PRKCB: variants seen among roughly 807,000 people sequenced by gnomAD.
PRKCB encodes protein kinase C beta.
Under a neutral mutation model 81.5 loss-of-function variants are expected in PRKCB, and 13 were observed. That is an observed-to-expected ratio of 0.16 (90% CI 0.10 to 0.25). The LOEUF is 0.25. Ranked by LOEUF, PRKCB falls within the 10% of genes least tolerant of loss-of-function variation. The pLI, the probability that PRKCB is intolerant of heterozygous loss-of-function variation, is 1.00. For synonymous variants in PRKCB, 335 were observed against 321.4 expected, an observed-to-expected ratio of 1.04 and a Z score of -0.45; for missense variants, 509 against 875.7, an observed-to-expected ratio of 0.58 and a Z score of 5.29.
chr16:23,952,523 T>C (rs1432659691), intron 2 of PRKCB, among the ~76,000 whole-genome samples: 1 of 152,126 alleles, frequency 6.6e-6, no homozygotes, highest in Non-Finnish European at 1.5e-5. Flanking sequence ...TTGCATTTGT[T>C]TCTGGGAGGG....
At chr16:23,894,669 T>C (rs1963346922) in intron 2 of PRKCB, among the ~76,000 whole-genome samples, 1 of 152,084 alleles carries the variant, frequency 6.6e-6, no homozygotes, top group African/African-American at 2.4e-5. Flanking sequence ...CCCAGAGAAT[T>C]GTGAGGGAAA....
intron 10 of PRKCB, among the ~76,000 whole-genome samples, chr16:24,160,707 T>C (rs1052209839): frequency 6.6e-6 from 1 of 152,120 alleles, no homozygotes; most frequent in Non-Finnish European, 1.5e-5. Context: ...TAAACTATAA[T>C]AATGACACAA....
intron 2 of PRKCB, among the ~76,000 whole-genome samples, chr16:23,955,306 T>G (rs1052103613): frequency 1.3e-5 from 2 of 152,110 alleles, no homozygotes; most frequent in African/African-American, 4.8e-5. Flanking sequence ...TTCACGTGTG[T>G]ATTATGATTA....
intron 2 of PRKCB, among the ~76,000 whole-genome samples, chr16:23,938,700 ACAGT>A (rs1478013914): frequency 1.3e-5 from 2 of 152,252 alleles, no homozygotes; most frequent in South Asian, 2.1e-4. Flanking sequence ...ATTGTGGAAG[ACAGT>A]CAGAAAACAT....
chr16:23,869,786 C>T (rs557175289), intron 2 of PRKCB, among the ~76,000 whole-genome samples: 3 of 152,276 alleles, frequency 2.0e-5, no homozygotes, highest in African/African-American at 7.2e-5. Flanking sequence ...CTTTGGGAGG[C>T]TGAGGTGGGC....
chr16:24,055,078 T>C (rs1170126077), intron 5 of PRKCB, among the ~76,000 whole-genome samples: 1 of 152,222 alleles, frequency 6.6e-6, no homozygotes, highest in Non-Finnish European at 1.5e-5. Context: ...CAGTATGCAA[T>C]GCAAATGAGA....
chr16:24,003,190 C>T lies in PRKCB; in HGVS notation c.288+14600C>T, dbSNP rs191582694. Reference sequence around the variant, plus strand: ...CATGCCCACACCTTTAGAAACAGTCCTTTCATTGAACCTTTCTTAAACACT... The same window carrying T: ...CATGCCCACACCTTTAGAAACAGTCTTTTCATTGAACCTTTCTTAAACACT... On this transcript the variant is annotated intron_variant, in intron 3 of 16. Coordinates refer to ENST00000643927, the MANE Select transcript of PRKCB (RefSeq NM_002738.7). Among the ~76,000 whole-genome samples, 6 of 152,232 alleles carry T rather than the reference C, an allele frequency of 3.9e-5. No individual in the cohort carries two copies. The East Asian group carries it at 7.7e-4, about 20-fold the overall frequency.
intron 5 of PRKCB, among the ~76,000 whole-genome samples, chr16:24,048,506 T>C (rs1487283079): frequency 6.6e-6 from 1 of 151,768 alleles, no homozygotes; most frequent in African/African-American, 2.4e-5. Flanking sequence ...TTTTTTTTTT[T>C]TTATAACAGA....
At chr16:23,880,354 G>T (rs1373359472) in intron 2 of PRKCB, among the ~76,000 whole-genome samples, 4 of 152,172 alleles carry the variant, frequency 2.6e-5, no homozygotes, top group Admixed American at 2.0e-4. Context: ...CCTGAAAGAG[G>T]AGTGAACATT....
chr16:23,922,560 G>A (rs764986135), intron 2 of PRKCB, among the ~76,000 whole-genome samples: 3 of 152,186 alleles, frequency 2.0e-5, no homozygotes, highest in Non-Finnish European at 1.5e-5. Flanking sequence ...TGTGATGATA[G>A]CATGTGAAAG....
chr16:24,147,689 T>C lies in PRKCB; in HGVS notation c.1066-6995T>C, dbSNP rs1163140773. 4.6e-5 allele frequency among the ~76,000 whole-genome samples: 7 copies of C among 152,294 alleles called. No individual in the cohort carries two copies. In the East Asian group the frequency reaches 1.4e-3, roughly 29 times the overall value. On this transcript the variant is annotated intron_variant, in intron 9 of 16. Coordinates refer to ENST00000643927, the MANE Select transcript of PRKCB (RefSeq NM_002738.7). ...TGAACACTTGGCACTTAGGGCTTGATGATGGGTGTGTTTAAGGGCATGGAT... is the reference window on the plus strand; with the variant it reads ...TGAACACTTGGCACTTAGGGCTTGACGATGGGTGTGTTTAAGGGCATGGAT...
At chr16:24,152,202 A>C (rs1347889006) in intron 9 of PRKCB, among the ~76,000 whole-genome samples, 1 of 152,186 alleles carries the variant, frequency 6.6e-6, no homozygotes, top group African/African-American at 2.4e-5. Context: ...GGAAGGCTAA[A>C]GTCACGTCTT....
At chr16:23,912,043 G>A (rs1008099410) in intron 2 of PRKCB, among the ~76,000 whole-genome samples, 8 of 151,782 alleles carry the variant, frequency 5.3e-5, no homozygotes, top group African/African-American at 1.7e-4. Flanking sequence ...TGTTAGCCAC[G>A]CTAGTCTCGA....
chr16:23,853,327 A>G (rs1192901241), intron 2 of PRKCB, among the ~76,000 whole-genome samples: 8 of 152,212 alleles, frequency 5.3e-5, no homozygotes, highest in African/African-American at 1.7e-4. Flanking sequence ...ACAGAGTCAC[A>G]CAGGACCCCA....
chr16:23,866,971 TTCCTTCC>T (rs1290810536), intron 2 of PRKCB, among the ~76,000 whole-genome samples: 22 of 83,448 alleles, frequency 2.6e-4, no homozygotes, highest in Non-Finnish European at 4.5e-4. Context: ...CTTCCTTCCC[TTCCTTCC>T]CTTCCTTCCC....
At chr16:24,001,227 T>C (rs1965030471) in intron 3 of PRKCB, among the ~76,000 whole-genome samples, 1 of 152,254 alleles carries the variant, frequency 6.6e-6, no homozygotes, top group African/African-American at 2.4e-5. Flanking sequence ...AAGGACTCTT[T>C]GTCTGGTTTG....
In PRKCB at chr16:24,068,987, T is replaced by C. The variant is rs143703660; in HGVS notation, c.530-23804T>C. 1.4e-3 allele frequency among the ~76,000 whole-genome samples: 218 copies of C among 152,340 alleles called. 2 individuals carry two copies. The highest frequency in any genetic ancestry group is 5.0e-3 in the African/African-American group (206 of 41,578). On this transcript the variant is annotated intron_variant, in intron 5 of 16. Coordinates refer to ENST00000643927, the MANE Select transcript of PRKCB (RefSeq NM_002738.7). ...AACAAAGTAGCACATAGTGAATGTT[T>C]ACCATATGCCAGACATTCTATTAAT... is the stretch of plus-strand genomic sequence containing the variant.
At chr16:24,104,051 C>T (rs555084692) in intron 7 of PRKCB, among the ~76,000 whole-genome samples, 2 of 152,072 alleles carry the variant, frequency 1.3e-5, no homozygotes, top group South Asian at 2.1e-4. Context: ...GTGATCCGCC[C>T]GCCTCGGCCT....
intron 2 of PRKCB, among the ~76,000 whole-genome samples, chr16:23,906,293 C>CA (rs35091316): frequency 0.034 from 5,201 of 152,230 alleles, 160 homozygotes; most frequent in African/African-American, 0.07. Context: ...CTTATGAGAA[C>CA]ATTTTTATGT....
Sources: allele counts gnomAD v4.1 joint callset (sites outside exome capture counted in the v4.1 genomes callset), GRCh38; gene constraint gnomAD v4.1.1; transcripts MANE v1.5; gene names NCBI Gene and HGNC (gene_info 2026-07-23, HGNC 2026-07-21).